ROBO2: variants seen among roughly 807,000 people sequenced by gnomAD.
ROBO2 encodes the protein roundabout homolog 2.
Under a neutral mutation model 160.8 loss-of-function variants are expected in ROBO2, and 53 were observed. The observed-to-expected ratio is 0.33, with a 90% CI of 0.26 to 0.41. The LOEUF (loss-of-function observed/expected upper bound fraction) is 0.41. Among genes scored for constraint, ROBO2 ranks in the 10% least tolerant of loss-of-function variants. ROBO2 has a pLI of 1.00. For missense variants in ROBO2, 1,577 were observed against 1,722.4 expected (o/e 0.92, Z 1.49); for synonymous variants, 664 against 611.7 (o/e 1.09, Z -1.26).
At chr3:77,251,620 C>G (rs1305963432) in intron 2 of ROBO2, among the ~76,000 whole-genome samples, 1 of 152,062 alleles carries the variant, frequency 6.6e-6, no homozygotes, top group Non-Finnish European at 1.5e-5. Context: ...TGTTGCGTCC[C>G]GACCCGAATC....
intron 2 of ROBO2, among the ~76,000 whole-genome samples, chr3:77,435,005 G>T (rs557500824): frequency 6.6e-6 from 1 of 151,978 alleles, no homozygotes; most frequent in Non-Finnish European, 1.5e-5. Context: ...TCCTGTTAAT[G>T]AATATATTGA....
At chr3:76,621,982 CTTT>C (rs1369902854) in intron 2 of ROBO2, among the ~76,000 whole-genome samples, 1 of 151,908 alleles carries the variant, frequency 6.6e-6, no homozygotes, top group Non-Finnish European at 1.5e-5. Context: ...CCCATTCCTT[CTTT>C]ATTATACCAC....
At chr3:77,023,502 G>T (rs1326023196) in intron 2 of ROBO2, among the ~76,000 whole-genome samples, 1 of 152,122 alleles carries the variant, frequency 6.6e-6, no homozygotes, top group Non-Finnish European at 1.5e-5. Context: ...AGTCAAGCAG[G>T]CTCCAAAAGC....
At chr3:76,522,151 T>C (rs1273709970) in intron 2 of ROBO2, among the ~76,000 whole-genome samples, 2 of 152,182 alleles carry the variant, frequency 1.3e-5, no homozygotes, top group Admixed American at 6.5e-5. Flanking sequence ...GTATCCAGTA[T>C]GTTTATGGGC....
Position 77,318,248 on chromosome 3 carries a change from G to A in ROBO2, c.389-159166G>A, listed in dbSNP as rs531237651. 8.3e-4 allele frequency among the ~76,000 whole-genome samples: 126 copies of A among 152,092 alleles called. 1 individual carries two copies. Among genetic ancestry groups the A allele is most frequent in the African/African-American group, 2.7e-3 (111 of 41,508 alleles). ...GGGGTTTCGCCATGTTGGCCCGGCT[G>A]GTCTTGAACTGCTGACCTCGGGCGA... On this transcript the variant is annotated intron_variant, in intron 2 of 25. Coordinates refer to ENST00000461745, the Ensembl canonical transcript of ROBO2.
intron 2 of ROBO2, among the ~76,000 whole-genome samples, chr3:77,156,175 C>T (rs550343393): frequency 6.6e-6 from 1 of 151,986 alleles, no homozygotes; most frequent in Non-Finnish European, 1.5e-5. Context: ...GCACCATTCT[C>T]CTTCTCCTTT....
chr3:76,825,427 G>A (rs755592992), intron 2 of ROBO2, among the ~76,000 whole-genome samples: 12 of 151,856 alleles, frequency 7.9e-5, no homozygotes, highest in Non-Finnish European at 1.6e-4. Context: ...AAAAAATAAT[G>A]TTGCTTTTAA....
chr3:76,413,677 C>T (rs1208555045), intron 2 of ROBO2, among the ~76,000 whole-genome samples: 1 of 152,154 alleles, frequency 6.6e-6, no homozygotes, highest in Non-Finnish European at 1.5e-5. Context: ...TCATCCTGGA[C>T]CTTATTGTCC....
At position 77,093,910 on chromosome 3, in the gene ROBO2, C is replaced by T. The variant is rs1306286559; in HGVS notation, c.62-4104C>T. 3.3e-5 allele frequency among the ~76,000 whole-genome samples: 5 copies of T among 152,094 alleles called. No homozygotes were observed. The South Asian group carries it at 1.0e-3, about 32-fold the overall frequency. On this transcript the variant is annotated intron_variant, in intron 1 of 25. Transcript: ENST00000461745. ...AGTGTTAACTGTTGTTAGGAGTGAG[C>T]ACAAATTGTTACACACCTTTTATTA...
At position 76,300,333 on chromosome 3, in the gene ROBO2, CAA is replaced by C. The variant is rs34287005; in HGVS notation, c.109+362740_109+362741del. On this transcript the variant is annotated intron_variant, in intron 2 of 26. Coordinates refer to the ROBO2 transcript ENST00000487694. ...TCACCAACATTAAATAGGTCTGTGT[CAA>C]AAAAAAAATTACATTCTTTTTTTTA... Among the ~76,000 whole-genome samples the C allele has an allele frequency of 2.7e-5, 4 of 148,248 alleles. No homozygotes were observed. The South Asian group carries it at 8.6e-4, about 32-fold the overall frequency.
intron 2 of ROBO2, among the ~76,000 whole-genome samples, chr3:77,160,388 A>G (rs1371215397): frequency 5.3e-5 from 8 of 152,174 alleles, no homozygotes. Flanking sequence ...ACACATGGTG[A>G]TGATGTATTT....
chr3:76,752,389 G>T (rs2060722070), intron 2 of ROBO2, among the ~76,000 whole-genome samples: 1 of 150,474 alleles, frequency 6.6e-6, no homozygotes. Flanking sequence ...GTATACATAT[G>T]TAACAAACCA....
At chr3:76,452,230 G>A (rs960673413) in intron 2 of ROBO2, among the ~76,000 whole-genome samples, 1 of 151,840 alleles carries the variant, frequency 6.6e-6, no homozygotes, top group Non-Finnish European at 1.5e-5. Flanking sequence ...ACAATGTGTA[G>A]GTTACTTACA....
chr3:77,397,206 A>G (rs1315209640), intron 2 of ROBO2, among the ~76,000 whole-genome samples: 1 of 152,122 alleles, frequency 6.6e-6, no homozygotes, highest in Non-Finnish European at 1.5e-5. Flanking sequence ...AGGTAACTAA[A>G]AGTCTTAGTC....
intron 2 of ROBO2, among the ~76,000 whole-genome samples, chr3:76,420,405 G>A (rs1165552320): frequency 6.6e-6 from 1 of 152,136 alleles, no homozygotes; most frequent in Non-Finnish European, 1.5e-5. Context: ...AACCTGATGT[G>A]TTTAAATGAT....
chr3:76,591,514 A>G (rs1179131989), intron 2 of ROBO2, among the ~76,000 whole-genome samples: 1 of 152,132 alleles, frequency 6.6e-6, no homozygotes, highest in Non-Finnish European at 1.5e-5. Context: ...GAAAATAAAG[A>G]TATATATTTT....
At chr3:77,369,882 T>C (rs138391546) in intron 2 of ROBO2, among the ~76,000 whole-genome samples, 12 of 152,288 alleles carry the variant, frequency 7.9e-5, no homozygotes, top group African/African-American at 2.9e-4. Context: ...TGGGCTTTAG[T>C]GTTAGGAGAC....
chr3:76,290,600 G>A (rs1346951666), intron 2 of ROBO2, among the ~76,000 whole-genome samples: 3 of 152,070 alleles, frequency 2.0e-5, no homozygotes, highest in African/African-American at 7.2e-5. Flanking sequence ...TCTTTTTCCA[G>A]TTCTCAAGGC....
At chr3:76,827,580 T>G (rs12487681) in intron 2 of ROBO2, among the ~76,000 whole-genome samples, 2 of 152,114 alleles carry the variant, frequency 1.3e-5, no homozygotes, top group East Asian at 3.9e-4. Flanking sequence ...CATTACAGGG[T>G]TCAAGTTTAA....
Sources: gnomAD v4.1 joint callset for allele counts (sites outside exome capture counted in the v4.1 genomes callset) on GRCh38, gnomAD v4.1.1 for gene constraint, MANE v1.5 for transcripts, NCBI Gene and HGNC (gene_info 2026-07-23, HGNC 2026-07-21) for gene names.